Variants in ASIC4 observed in about 807,000 individuals in gnomAD.
ASIC4 encodes the protein acid sensing ion channel subunit family member 4, also known as acid-sensing ion channel 4.
In ASIC4, 28 loss-of-function variants were observed where a neutral mutation model predicts 53.4. That is an observed-to-expected ratio of 0.52 (90% CI 0.39 to 0.72). The LOEUF (loss-of-function observed/expected upper bound fraction) is 0.72. Among genes scored for constraint, ASIC4 ranks in the 30% least tolerant of loss-of-function variants. The probability of loss-of-function intolerance (pLI) is 0.00; values close to 1 mark genes in which losing one functional copy is unlikely to be tolerated. For missense variants in ASIC4, 649 were observed against 729.7 expected (o/e 0.89, Z 1.27); for synonymous variants, 289 against 301.4 (o/e 0.96, Z 0.43).
At chr2:219,510,919 C>T (rs549150398), upstream of ASIC4, among the ~76,000 whole-genome samples, 2 of 152,060 alleles carry the variant, frequency 1.3e-5, no homozygotes, top group Non-Finnish European at 2.9e-5. The surrounding 1 kb of genome is among the most constrained non-coding windows in gnomAD (Gnocchi z 5.2). Context: ...AATCAGCCGC[C>T]GTCCGCCCCC....
At chr2:219,535,565 G>A (rs1472004040) in intron 6 of ASIC4, among the ~76,000 whole-genome samples, 1 of 151,698 alleles carries the variant, frequency 6.6e-6, no homozygotes, top group African/African-American at 2.4e-5. Context: ...TGATGTGTGT[G>A]TGCATGCACA....
rs1694797492 is a variant in ASIC4, at chr2:219,516,760, T to G, written c.582+1454T>G. 1 of 152,274 alleles carries G rather than the reference T, an allele frequency of 6.6e-6. No individual in the cohort carries two copies. The highest frequency in any genetic ancestry group is 1.5e-5 in the Non-Finnish European group (1 of 68,108). 9.4% of individuals were successfully genotyped at this position (152,274 alleles called of 1,614,324 possible). A position where few individuals can be genotyped will look rare whatever the true frequency, so the allele number is the denominator to read the frequency against. ...CGAGGTTCCTGGCCCCCACCATGCC[T>G]GCAGTGTCTGGGGCCTCCCGCCATT... On this transcript the variant is annotated intron_variant, in intron 1 of 9. Transcript: ENST00000358078. This position sits in a 1 kb window ranked among gnomAD's most constrained non-coding sequence, Gnocchi z 4.9.
In ASIC4 at chr2:219,532,494, C is replaced by G. The variant is rs1422440063; in HGVS notation, c.1018+17C>G. On this transcript the variant is annotated intron_variant, in intron 4 of 9. Coordinates refer to ENST00000358078, the MANE Select transcript of ASIC4 (RefSeq NM_018674.6). ...ACATGCCAGGTGGGCACCCCACCCCCAGCCAGCCCTCCATGCCACCCTGCT... is the reference window on the plus strand; with the variant it reads ...ACATGCCAGGTGGGCACCCCACCCCGAGCCAGCCCTCCATGCCACCCTGCT... 2 of 1,601,272 alleles carry G rather than the reference C, an allele frequency of 1.2e-6. No homozygotes were observed. Among genetic ancestry groups the G allele is most frequent in the Admixed American group, 3.3e-5 (2 of 59,808 alleles).
chr2:219,531,707 C>A, intron 1 of ASIC4, 51 bp from the exon 2 acceptor site: 1 of 1,534,292 alleles, frequency 6.5e-7, no homozygotes, highest in Non-Finnish European at 8.8e-7. Flanking sequence ...TTCGGAGTTG[C>A]CTTGGCCACT....
chr2:219,521,257 C>G (rs982103782), intron 1 of ASIC4, among the ~76,000 whole-genome samples: 13 of 152,364 alleles, frequency 8.5e-5, no homozygotes, highest in African/African-American at 3.1e-4. Flanking sequence ...ACTCAGCAGC[C>G]CCGTGGCCTC....
chr2:219,509,670 G>A (rs1694674688), upstream of ASIC4, among the ~76,000 whole-genome samples: 1 of 152,080 alleles, frequency 6.6e-6, no homozygotes, highest in South Asian at 2.1e-4. This position sits in a 1 kb window ranked among gnomAD's most constrained non-coding sequence, Gnocchi z 5.2. Context: ...AGGAGGGCAG[G>A]GGGTGGTGAG....
intron 5 of ASIC4, among the ~76,000 whole-genome samples, chr2:219,534,958 T>A (rs956842091): frequency 2.9e-4 from 44 of 152,114 alleles, no homozygotes; most frequent in African/African-American, 1.0e-3. Flanking sequence ...GCTGGGGGGT[T>A]CTGCTTATAT....
intron 1 of ASIC4, among the ~76,000 whole-genome samples, chr2:219,520,113 T>A (rs1694862263): frequency 1.3e-5 from 2 of 152,092 alleles, no homozygotes. Flanking sequence ...CCTGGGGCCC[T>A]GTGGGCGCCT....
Position 219,537,783 on chromosome 2 carries a change from A to C in ASIC4, c.1506+47A>C, listed in dbSNP as rs766473545. Reference sequence around the variant, plus strand: ...CTGCAGCATGCAGCCACACCTCCCCAGGACTGAATACATCCATTGTTTCTG... The same window carrying C: ...CTGCAGCATGCAGCCACACCTCCCCCGGACTGAATACATCCATTGTTTCTG... On this transcript the variant is annotated intron_variant, in intron 9 of 9. Coordinates refer to ENST00000358078, the MANE Select transcript of ASIC4 (RefSeq NM_018674.6). This position sits in a 1 kb window ranked among gnomAD's most constrained non-coding sequence, Gnocchi z 4.9. 8 of 1,562,698 alleles carry C rather than the reference A, an allele frequency of 5.1e-6. No individual in the cohort carries two copies. In the South Asian group the frequency reaches 8.0e-5, roughly 16 times the overall value.
chr2:219,525,715 C>G (rs1034334105), intron 1 of ASIC4, among the ~76,000 whole-genome samples: 1 of 152,216 alleles, frequency 6.6e-6, no homozygotes, highest in African/African-American at 2.4e-5. Flanking sequence ...CTGAATAAAG[C>G]TAGGCCCTGG....
chr2:219,518,965 G>A lies in ASIC4; in HGVS notation c.582+3659G>A, dbSNP rs749760757. ...GTTGCCCAGGCTGGAGTGCAGCGGC[G>A]CGATCTCGGCTCACTACAGGCTCCG... is the stretch of plus-strand genomic sequence containing the variant. On this transcript the variant is annotated intron_variant, in intron 1 of 9. Transcript: ENST00000358078. This position sits in a 1 kb window ranked among gnomAD's most constrained non-coding sequence, Gnocchi z 4.8. 1.1e-4 allele frequency among the ~76,000 whole-genome samples: 16 copies of A among 152,108 alleles called. No homozygotes were observed. The highest frequency in any genetic ancestry group is 2.2e-4 in the African/African-American group (9 of 41,400).
intron 1 of ASIC4, 48 bp downstream of exon 1, chr2:219,515,354 G>A: frequency 1.3e-6 from 2 of 1,569,466 alleles, no homozygotes; most frequent in Non-Finnish European, 1.7e-6. Flanking sequence ...CCGGAGGCTG[G>A]GGAGTGGGGA....
chr2:219,534,630 A>T (rs935577437), intron 5 of ASIC4, among the ~76,000 whole-genome samples: 8 of 152,210 alleles, frequency 5.3e-5, no homozygotes, highest in Admixed American at 3.3e-4. Flanking sequence ...GATCAGCCTC[A>T]TAGGGTGCAG....
upstream of ASIC4, among the ~76,000 whole-genome samples, chr2:219,512,412 C>T (rs144795360): frequency 3.9e-5 from 6 of 152,160 alleles, no homozygotes; most frequent in East Asian, 1.9e-4. Context: ...GGCAGTTTCC[C>T]GCTTTCTTGG....
upstream of ASIC4, among the ~76,000 whole-genome samples, chr2:219,509,247 C>T (rs1218781211): frequency 1.3e-5 from 2 of 152,052 alleles, no homozygotes; most frequent in South Asian, 2.1e-4. This position sits in a 1 kb window ranked among gnomAD's most constrained non-coding sequence, Gnocchi z 5.2. Context: ...GAAGCAGGCA[C>T]AGCTGGGGCC....
At chr2:219,515,905 C>T (rs1421006086) in intron 1 of ASIC4, among the ~76,000 whole-genome samples, 1 of 152,146 alleles carries the variant, frequency 6.6e-6, no homozygotes, top group African/African-American at 2.4e-5. Flanking sequence ...CCTCACACAT[C>T]CCTCTTTCAT....
chr2:219,519,654 G>A (rs1694855381), intron 1 of ASIC4, among the ~76,000 whole-genome samples: 1 of 152,258 alleles, frequency 6.6e-6, no homozygotes, highest in Non-Finnish European at 1.5e-5. Flanking sequence ...AATGCGATTA[G>A]TGCGACAGAG....
rs1176994685 is a variant in ASIC4, at chr2:219,514,943, C to T, written c.219C>T (p.Ala73=). The part of the protein sequence containing the change: ...HGLRRTLWAL[A]LLTSLAAFLY... ...TGCGCAGAACCCTGTGGGCACTGGC[C>T]CTACTCACCTCGCTGGCTGCCTTCC... The change falls in exon 1 of 10, where the codon GCC becomes GCT. Residue 73 remains alanine, a synonymous_variant. Transcript: ENST00000358078. 2 of 1,613,050 alleles carry T rather than the reference C, an allele frequency of 1.2e-6. No individual in the cohort carries two copies. Among genetic ancestry groups the T allele is most frequent in the Admixed American group, 1.7e-5 (1 of 59,994 alleles).
rs759249344 is a variant in ASIC4, at chr2:219,518,360, A to G, written c.582+3054A>G. Among the ~76,000 whole-genome samples the G allele has an allele frequency of 1.5e-4, 23 of 152,164 alleles. No homozygotes were observed. Among genetic ancestry groups the G allele is most frequent in the Non-Finnish European group, 2.9e-4 (20 of 68,024 alleles). ...GGTCGAGTTCAGAGAAGGAGAGGCCATTCTGGGTGGAGGAGAGCTGGGAGG... is the reference window on the plus strand; with the variant it reads ...GGTCGAGTTCAGAGAAGGAGAGGCCGTTCTGGGTGGAGGAGAGCTGGGAGG... On this transcript the variant is annotated intron_variant, in intron 1 of 9. Transcript: ENST00000358078. This position sits in a 1 kb window ranked among gnomAD's most constrained non-coding sequence, Gnocchi z 4.8.
Sources: allele counts gnomAD v4.1 joint callset (sites outside exome capture counted in the v4.1 genomes callset), GRCh38; gene constraint gnomAD v4.1.1; non-coding constraint Gnocchi (gnomAD v3.1); transcripts MANE v1.5; gene names NCBI Gene and HGNC (gene_info 2026-07-23, HGNC 2026-07-21).